Variants in DENND2A observed in about 807,000 individuals in gnomAD.
DENND2A encodes DENN domain containing 2A.
Under a neutral mutation model 105.3 loss-of-function variants are expected in DENND2A, and 53 were observed. The observed-to-expected ratio is 0.50, with a 90% CI of 0.40 to 0.63. The LOEUF is 0.63. Among genes scored for constraint, DENND2A ranks in the 30% least tolerant of loss-of-function variants. DENND2A has a pLI of 0.00. For missense variants in DENND2A, 1,138 were observed against 1,279.6 expected (o/e 0.89, Z 1.69); for synonymous variants, 522 against 508.4 (o/e 1.03, Z -0.36).
chr7:140,626,341 C>G (rs1227560762), intron 1 of DENND2A, among the ~76,000 whole-genome samples: 1 of 152,194 alleles, frequency 6.6e-6, no homozygotes, highest in Non-Finnish European at 1.5e-5. Context: ...CATTTTGTGG[C>G]TTCTTTTCCC....
chr7:140,616,188 G>A (rs551708612), intron 1 of DENND2A, among the ~76,000 whole-genome samples: 15 of 152,266 alleles, frequency 9.9e-5, no homozygotes, highest in Admixed American at 3.3e-4. Flanking sequence ...CCAACATGGT[G>A]AAACCCCATC....
intron 9 of DENND2A, among the ~76,000 whole-genome samples, chr7:140,562,151 G>A (rs1256246402): frequency 2.6e-5 from 4 of 151,584 alleles, no homozygotes; most frequent in African/African-American, 7.3e-5. Flanking sequence ...GCCTCCCAAA[G>A]TGTTGGGATT....
At position 140,602,198 on chromosome 7, in the gene DENND2A, C is replaced by T. The variant is rs749152747; in HGVS notation, c.200G>A (p.Arg67Lys). Reference protein sequence around the residue: ...KEVPTPAPSRRADGQEDYLPS... With the variant: ...KEVPTPAPSRKADGQEDYLPS... ...CAGATAATCCTCCTGTCCGTCTGCT[C>T]TCCTGCTGGGTGCAGGAGTGGGCAC... The change falls in exon 3 of 20, where the codon AGA becomes AAA. Residue 67 changes from arginine (R) to lysine (K), a missense_variant. Coordinates refer to ENST00000496613, the MANE Select transcript of DENND2A (RefSeq NM_015689.5). The T allele has an allele frequency of 1.9e-6, 3 of 1,614,196 alleles. No homozygotes were observed. Among genetic ancestry groups the T allele is most frequent in the Admixed American group, 3.3e-5 (2 of 60,034 alleles).
rs1563112759 is a variant in DENND2A, at chr7:140,519,632, C to T, written c.2998G>A (p.Gly1000Ser). 3 of 1,613,842 alleles carry T rather than the reference C, an allele frequency of 1.9e-6. No homozygotes were observed. The highest frequency in any genetic ancestry group is 1.7e-6 in the Non-Finnish European group (2 of 1,179,804). ...GGGCACCCAGAGCCCGGGGCCTTAC[C>T]TAGTCCCTTCAGGAACTTATTGACA... ...SGVNKFLKGL[G>S]NKMKFLHKK is the part of the protein sequence containing the mutation. Residue 1000 changes from glycine to serine, a missense_variant and splice_region_variant, in exon 19 of 20, where the codon GGC becomes AGC. By Grantham distance (56) the Gly-to-Ser change is moderately conservative. This residue lies in a region of DENND2A where 627 missense variants were observed against 779.8 expected (regional missense o/e 0.80). Coordinates refer to ENST00000496613, the MANE Select transcript of DENND2A (RefSeq NM_015689.5).
At chr7:140,525,726 G>T in intron 16 of DENND2A, 25 bp downstream of exon 16, 1 of 1,598,436 alleles carries the variant, frequency 6.3e-7, no homozygotes, top group African/African-American at 1.3e-5. Context: ...AAAGGGAGCA[G>T]GAGGCCGTCG....
chr7:140,639,405 G>A (rs1305398550), intron 1 of DENND2A, among the ~76,000 whole-genome samples: 1 of 151,950 alleles, frequency 6.6e-6, no homozygotes, highest in Admixed American at 6.6e-5. Flanking sequence ...CCTCCCGCCA[G>A]CCTTTTCATT....
At chr7:140,529,331 T>G in intron 14 of DENND2A, among the ~76,000 whole-genome samples, 1 of 152,182 alleles carries the variant, frequency 6.6e-6, no homozygotes, top group East Asian at 1.9e-4. Flanking sequence ...ATAGGAACAC[T>G]TTTACACTGT....
chr7:140,550,427 G>C (rs747714631), intron 12 of DENND2A, among the ~76,000 whole-genome samples: 1 of 152,042 alleles, frequency 6.6e-6, no homozygotes, highest in Non-Finnish European at 1.5e-5. Flanking sequence ...GTGCGATCTG[G>C]GCTCACTGCA....
rs532128232 is a variant in DENND2A at position 140,520,764 on chromosome 7, G to T, written c.2912-1046C>A. 3.2e-4 allele frequency among the ~76,000 whole-genome samples: 49 copies of T among 151,342 alleles called. No individual in the cohort carries two copies. The South Asian group carries it at 9.2e-3, about 28-fold the overall frequency. On this transcript the variant is annotated intron_variant, in intron 18 of 19. Coordinates refer to ENST00000496613, the MANE Select transcript of DENND2A (RefSeq NM_015689.5). Reference sequence around the variant, plus strand: ...AGTAGAGACAGGGTTTCACCAAGTTGGCCAGGTTGGTCTCGAACTCCTGAC... The same window carrying T: ...AGTAGAGACAGGGTTTCACCAAGTTTGCCAGGTTGGTCTCGAACTCCTGAC...
intron 6 of DENND2A, 114 bp from the exon 7 acceptor site, chr7:140,569,852 G>A (rs1169745617): frequency 6.8e-6 from 5 of 731,628 alleles, no homozygotes; most frequent in Non-Finnish European, 9.7e-6. Context: ...CAGGGGGAGT[G>A]GGAGAAACTT....
At chr7:140,613,679 A>C (rs951650647) in intron 1 of DENND2A, among the ~76,000 whole-genome samples, 41 of 132,640 alleles carry the variant, frequency 3.1e-4, no homozygotes, top group Admixed American at 7.3e-4. Context: ...TTAAAAAAAA[A>C]AAACAAACAA....
At chr7:140,588,606 T>C (rs1477277695) in intron 3 of DENND2A, among the ~76,000 whole-genome samples, 2 of 152,126 alleles carry the variant, frequency 1.3e-5, no homozygotes, top group Non-Finnish European at 2.9e-5. Context: ...CTAATTTTTG[T>C]ACCTTTTTGT....
chr7:140,625,891 T>C (rs2130729512), intron 1 of DENND2A, among the ~76,000 whole-genome samples: 1 of 152,340 alleles, frequency 6.6e-6, no homozygotes, highest in Non-Finnish European at 1.5e-5. Flanking sequence ...CATATTTATG[T>C]TTTGACACCT....
Position 140,601,900 on chromosome 7 carries a change from G to C in DENND2A, c.498C>G (p.Leu166=). The change falls in exon 3 of 20, where the codon CTC becomes CTG. Residue 166 remains leucine (L), a synonymous_variant. Coordinates refer to ENST00000496613, the MANE Select transcript of DENND2A (RefSeq NM_015689.5). ...PLSVLKQVKK[L]EQALKDGSAG... ...CCGACCCATCCTTCAAAGCCTGCTC[G>C]AGTTTCTTGACCTGCTTCAGCACGG... 6.2e-7 allele frequency: 1 copy of C among 1,614,148 alleles called. No individual in the cohort carries two copies. Among genetic ancestry groups the C allele is most frequent in the Non-Finnish European group, 8.5e-7 (1 of 1,180,040 alleles).
intron 1 of DENND2A, among the ~76,000 whole-genome samples, chr7:140,612,709 C>T (rs1799944257): frequency 6.6e-6 from 1 of 152,066 alleles, no homozygotes; most frequent in South Asian, 2.1e-4. Context: ...TCCATATTGG[C>T]CAGGCTGGTC....
At chr7:140,636,173 TG>T (rs1465747440) in intron 1 of DENND2A, among the ~76,000 whole-genome samples, 4 of 152,022 alleles carry the variant, frequency 2.6e-5, no homozygotes, top group African/African-American at 9.7e-5. Context: ...GCCAGGCTCC[TG>T]GGGTAACAAG....
rs375948346 is a variant in DENND2A, at chr7:140,602,280, G to A, written c.118C>T (p.Arg40Trp). 41 of 1,611,002 alleles carry A rather than the reference G, an allele frequency of 2.5e-5. No individual in the cohort carries two copies. The highest frequency in any genetic ancestry group is 3.3e-4 in the Middle Eastern group (2 of 6,084). Residue 40 changes from arginine to tryptophan, a missense_variant, in exon 3 of 20, where the codon CGG (arginine) becomes TGG (tryptophan). By Grantham distance (101) the Arg-to-Trp change is moderately radical. This residue lies in a region of DENND2A where 511 missense variants were observed against 499.9 expected (regional missense o/e 1.02). Coordinates refer to ENST00000496613, the MANE Select transcript of DENND2A (RefSeq NM_015689.5). ...TCCTTTATGTTGAGGGACTTGTGCC[G>A]GGGTCTGGCTCTGGCAGATGGGCAA... is the stretch of plus-strand genomic sequence containing the variant. ...NPCPSARARP[R>W]HKSLNIKDKI...
In DENND2A at chr7:140,559,626, T is replaced by A. The variant is rs1797533365; in HGVS notation, c.1889+82A>T. On this transcript the variant is annotated intron_variant, in intron 10 of 19. Transcript: ENST00000496613. The surrounding 1 kb of genome is among the most constrained non-coding windows in gnomAD (Gnocchi z 4.1). ...AGGATTACTTAACGGTGGGAATGAC[T>A]CATGTGGTCTGCCACCTGTAACCCC... The A allele has an allele frequency of 2.1e-6, 2 of 973,464 alleles. No homozygotes were observed. The highest frequency in any genetic ancestry group is 2.0e-5 in the Admixed American group (1 of 49,146). 60.3% of individuals were successfully genotyped at this position (973,464 alleles called of 1,614,324 possible).
chr7:140,570,675 C>A (rs1255088265), intron 6 of DENND2A, among the ~76,000 whole-genome samples: 1 of 151,990 alleles, frequency 6.6e-6, no homozygotes, highest in African/African-American at 2.4e-5. Context: ...ACATGGATAC[C>A]CTGGTGTGGG....
Sources: gnomAD v4.1 joint callset for allele counts (sites outside exome capture counted in the v4.1 genomes callset) on GRCh38, gnomAD v4.1.1 for gene constraint, gnomAD v4.1.1 regional missense constraint, Gnocchi (gnomAD v3.1) non-coding constraint, MANE v1.5 for transcripts, NCBI Gene and HGNC (gene_info 2026-07-23, HGNC 2026-07-21) for gene names.